Variants in LRRTM4 observed in about 807,000 individuals in gnomAD.
LRRTM4 encodes the protein leucine rich repeat transmembrane neuronal 4.
Under a neutral mutation model 47.6 loss-of-function variants are expected in LRRTM4, and 25 were observed. The observed-to-expected ratio is 0.53, with a 90% CI of 0.38 to 0.73. The LOEUF (loss-of-function observed/expected upper bound fraction) is 0.73, where lower values mean the gene tolerates loss of function less well. Ranked by LOEUF, LRRTM4 falls within the 30% of genes least tolerant of loss-of-function variation. The pLI is 0.00. For synonymous variants in LRRTM4, 311 were observed against 269.5 expected, an observed-to-expected ratio of 1.15 and a Z score of -1.51; for missense variants, 638 against 713.4, an observed-to-expected ratio of 0.89 and a Z score of 1.20.
chr2:77,180,759 A>G (rs971988090), intron 3 of LRRTM4, among the ~76,000 whole-genome samples: 1 of 152,146 alleles, frequency 6.6e-6, no homozygotes. Flanking sequence ...TCTACTTGTC[A>G]TAAGAGCTAT....
intron 3 of LRRTM4, among the ~76,000 whole-genome samples, chr2:76,798,922 A>ATT (rs1675507874): frequency 6.6e-6 from 1 of 152,042 alleles, no homozygotes; most frequent in African/African-American, 2.4e-5. Context: ...ATCTCTGAAT[A>ATT]GACCAATAAC....
chr2:76,945,487 C>G (rs1675292050), intron 3 of LRRTM4, among the ~76,000 whole-genome samples: 2 of 151,838 alleles, frequency 1.3e-5, no homozygotes, highest in Admixed American at 6.6e-5. Context: ...GAGTTGTTGG[C>G]AGAAAGAGGA....
chr2:77,304,741 A>G (rs777106568), intron 3 of LRRTM4, among the ~76,000 whole-genome samples: 4 of 152,080 alleles, frequency 2.6e-5, no homozygotes, highest in Non-Finnish European at 5.9e-5. Context: ...TTTTCCCTAC[A>G]TTATCTCATT....
chr2:77,270,974 C>T (rs746973921), intron 3 of LRRTM4, among the ~76,000 whole-genome samples: 13 of 152,182 alleles, frequency 8.5e-5, no homozygotes, highest in Non-Finnish European at 1.3e-4. Context: ...CCTATGAAGA[C>T]CCCAGGCTCA....
chr2:76,822,754 G>A (rs1005821032), intron 3 of LRRTM4, among the ~76,000 whole-genome samples: 6 of 151,380 alleles, frequency 4.0e-5, no homozygotes, highest in Middle Eastern at 3.2e-3. Flanking sequence ...GGTGAAAGGA[G>A]GTTGTACCTC....
chr2:76,810,620 C>T (rs1670704740), intron 3 of LRRTM4, among the ~76,000 whole-genome samples: 1 of 152,102 alleles, frequency 6.6e-6, no homozygotes, highest in Non-Finnish European at 1.5e-5. Flanking sequence ...GCCAAGAAGT[C>T]TTAAAATCTA....
rs1672034309 is a variant in LRRTM4, at chr2:77,358,007, G to C, written c.1551+160311C>G. Reference sequence around the variant, plus strand: ...AATATAAACCATATATACTGGTTTAGAATCAGGGTTTCCCTCATCTCATAT... The same window carrying C: ...AATATAAACCATATATACTGGTTTACAATCAGGGTTTCCCTCATCTCATAT... On this transcript the variant is annotated intron_variant, in intron 3 of 3. Coordinates refer to ENST00000409884, the MANE Select transcript of LRRTM4 (RefSeq NM_001134745.3). Among the ~76,000 whole-genome samples, 4 of 152,072 alleles carry C rather than the reference G, an allele frequency of 2.6e-5. No homozygotes were observed. In the South Asian group the frequency reaches 8.3e-4, roughly 31 times the overall value.
At chr2:76,807,979 C>T (rs6712416) in intron 3 of LRRTM4, among the ~76,000 whole-genome samples, 69,351 of 142,950 alleles carry the variant, frequency 0.49, 17,723 homozygotes, top group East Asian at 0.75. Context: ...CCTTCCTTCC[C>T]TTCTTTCTTT....
At chr2:77,209,722 G>A (rs1317137949) in intron 3 of LRRTM4, among the ~76,000 whole-genome samples, 1 of 152,080 alleles carries the variant, frequency 6.6e-6, no homozygotes, top group Non-Finnish European at 1.5e-5. Flanking sequence ...AGGCATAAAA[G>A]GCAACAAAAC....
At chr2:77,011,253 T>G (rs1458757986) in intron 3 of LRRTM4, among the ~76,000 whole-genome samples, 1 of 152,154 alleles carries the variant, frequency 6.6e-6, no homozygotes, top group Non-Finnish European at 1.5e-5. Context: ...ATGAGATCAT[T>G]TACATTCTTG....
intron 3 of LRRTM4, among the ~76,000 whole-genome samples, chr2:76,944,919 A>G (rs1675273550): frequency 6.6e-6 from 1 of 152,126 alleles, no homozygotes; most frequent in African/African-American, 2.4e-5. Flanking sequence ...CAGCTCAGGT[A>G]TAAGAAGGAA....
chr2:76,807,959 CTTTT>C (rs1046699290), intron 3 of LRRTM4, among the ~76,000 whole-genome samples: 1 of 137,032 alleles, frequency 7.3e-6, no homozygotes, highest in South Asian at 2.4e-4. Flanking sequence ...CTTTCTTTTT[CTTTT>C]TCTTTCCTTC....
intron 3 of LRRTM4, among the ~76,000 whole-genome samples, chr2:77,462,040 A>T (rs1676809409): frequency 6.6e-6 from 1 of 152,056 alleles, no homozygotes; most frequent in Non-Finnish European, 1.5e-5. Context: ...GTCTTTTTTT[A>T]TCCTAGTAAT....
At chr2:76,969,030 A>G (rs1676133512) in intron 3 of LRRTM4, among the ~76,000 whole-genome samples, 1 of 151,886 alleles carries the variant, frequency 6.6e-6, no homozygotes, top group African/African-American at 2.4e-5. Flanking sequence ...CCTCTCCTCT[A>G]CATACTACAT....
At position 77,417,775 on chromosome 2, in the gene LRRTM4, G is replaced by C. The variant is rs116524737; in HGVS notation, c.1551+100543C>G. On this transcript the variant is annotated intron_variant, in intron 3 of 3. Transcript: ENST00000409884. Reference sequence around the variant, plus strand: ...CTGGGGCCTGTTGTTGGGGGGGAAGGGGGGAGGAATAGCATTTTGAGATAT... The same window carrying C: ...CTGGGGCCTGTTGTTGGGGGGGAAGCGGGGAGGAATAGCATTTTGAGATAT... Among the ~76,000 whole-genome samples, 1,109 of 151,512 alleles carry C rather than the reference G, an allele frequency of 7.3e-3. 15 individuals carry two copies. Among genetic ancestry groups the C allele is most frequent in the African/African-American group, 0.026 (1,057 of 41,016 alleles).
chr2:77,457,026 A>G (rs1171758744), intron 3 of LRRTM4, among the ~76,000 whole-genome samples: 1 of 22,964 alleles, frequency 4.4e-5, no homozygotes, highest in Non-Finnish European at 9.8e-5. Flanking sequence ...ATATATATAT[A>G]TATATATATA....
At chr2:77,487,148 C>G (rs565653201) in intron 3 of LRRTM4, among the ~76,000 whole-genome samples, 1 of 152,338 alleles carries the variant, frequency 6.6e-6, no homozygotes, top group African/African-American at 2.4e-5. Context: ...ATCCACAGAG[C>G]CAATGGGAGC....
chr2:76,881,005 G>A (rs142056465), intron 3 of LRRTM4, among the ~76,000 whole-genome samples: 71 of 152,206 alleles, frequency 4.7e-4, no homozygotes, highest in African/African-American at 1.7e-3. Flanking sequence ...AGTTAGATAG[G>A]AGGATTAAAT....
At chr2:76,999,011 G>A (rs1370265889) in intron 3 of LRRTM4, among the ~76,000 whole-genome samples, 1 of 151,616 alleles carries the variant, frequency 6.6e-6, no homozygotes, top group African/African-American at 2.4e-5. Flanking sequence ...TTAGAGAGCT[G>A]AGTGCAGACT....
Sources: gnomAD v4.1 joint callset for allele counts (sites outside exome capture counted in the v4.1 genomes callset) on GRCh38, gnomAD v4.1.1 for gene constraint, MANE v1.5 for transcripts, NCBI Gene and HGNC (gene_info 2026-07-23, HGNC 2026-07-21) for gene names.